Variants in CNOT2 observed in about 807,000 individuals in gnomAD.
The protein encoded by CNOT2 is CC chemokine receptor 4-negative regulator of transcription 2.
CNOT2 carries 7 observed loss-of-function variants against 72.1 expected under a neutral mutation model. The observed-to-expected ratio is 0.10, with a 90% CI of 0.06 to 0.18. The LOEUF (loss-of-function observed/expected upper bound fraction) is 0.18. Among genes scored for constraint, CNOT2 ranks in the 10% least tolerant of loss-of-function variants. The pLI is 1.00. For missense variants in CNOT2, 345 were observed against 660.3 expected, an observed-to-expected ratio of 0.52 and a Z score of 5.23; for synonymous variants, 196 against 225.6, an observed-to-expected ratio of 0.87 and a Z score of 1.17.
intron 1 of CNOT2, among the ~76,000 whole-genome samples, chr12:70,249,497 A>T (rs915785399): frequency 5.3e-5 from 8 of 151,938 alleles, no homozygotes; most frequent in African/African-American, 1.9e-4. Context: ...TCATCTTCAG[A>T]CTGGACTCAG....
chr12:70,317,367 C>G (rs1273329350), intron 3 of CNOT2, among the ~76,000 whole-genome samples: 2 of 151,954 alleles, frequency 1.3e-5, no homozygotes, highest in Non-Finnish European at 2.9e-5. Flanking sequence ...TCAACTAAAG[C>G]TTTATTATAT....
At chr12:70,326,700 T>C (rs555981250) in intron 4 of CNOT2, among the ~76,000 whole-genome samples, 1 of 151,900 alleles carries the variant, frequency 6.6e-6, no homozygotes, top group Non-Finnish European at 1.5e-5. Flanking sequence ...AATTCAGTTT[T>C]TAAAATAAAT....
At chr12:70,307,053 A>G (rs1464793325) in intron 2 of CNOT2, among the ~76,000 whole-genome samples, 1 of 152,208 alleles carries the variant, frequency 6.6e-6, no homozygotes, top group Non-Finnish European at 1.5e-5. Context: ...TAGGGCACTT[A>G]TCATAAACGG....
intron 1 of CNOT2, among the ~76,000 whole-genome samples, chr12:70,247,988 A>C (rs1258361305): frequency 2.0e-5 from 3 of 152,182 alleles, no homozygotes; most frequent in Non-Finnish European, 4.4e-5. Flanking sequence ...GTGTGTGTAA[A>C]GTTAGTATGG....
intron 4 of CNOT2, chr12:70,324,374 T>G (rs1878751904): frequency 6.6e-6 from 1 of 151,680 alleles, no homozygotes; most frequent in African/African-American, 2.4e-5. Context: ...TTAGTAATAC[T>G]GCAGTAGTCC....
In CNOT2 at chr12:70,304,202, C is replaced by G. The variant is rs11178181; in HGVS notation, c.49-6693C>G. ...CTTCTGAAGCCTTCTTGTCTCAACTCATCAAAGTCATTCTCGGTCCAGCTT... is the reference window on the plus strand; with the variant it reads ...CTTCTGAAGCCTTCTTGTCTCAACTGATCAAAGTCATTCTCGGTCCAGCTT... On this transcript the variant is annotated intron_variant, in intron 2 of 15. Transcript: ENST00000229195. Among the ~76,000 whole-genome samples the G allele has an allele frequency of 7.2e-3, 1,098 of 151,546 alleles. 3 individuals carry two copies. The highest frequency in any genetic ancestry group is 0.012 in the Non-Finnish European group (793 of 67,664).
chr12:70,308,584 T>TCTCTCTCTCTCTCTCTCTCA (rs550679130), intron 2 of CNOT2, among the ~76,000 whole-genome samples: 1 of 133,240 alleles, frequency 7.5e-6, no homozygotes, highest in African/African-American at 2.8e-5. Flanking sequence ...TCTCTCTCTC[T>TCTCTCTCTCTCTCTCTCTCA]CACACACACA....
At chr12:70,243,216 T>C (rs1201488112), upstream of CNOT2, 1 of 152,466 alleles carries the variant, frequency 6.6e-6, no homozygotes, top group Non-Finnish European at 1.5e-5. Flanking sequence ...TGTGAGTCGG[T>C]GGGAGACAAG....
chr12:70,287,901 G>T (rs182703506), intron 2 of CNOT2, among the ~76,000 whole-genome samples: 12 of 149,786 alleles, frequency 8.0e-5, no homozygotes, highest in African/African-American at 2.9e-4. Flanking sequence ...TTTCTCCCAA[G>T]GGGATTTTCA....
At chr12:70,305,873 GTTTTT>G (rs11412509) in intron 2 of CNOT2, among the ~76,000 whole-genome samples, 1 of 60,074 alleles carries the variant, frequency 1.7e-5, no homozygotes, top group African/African-American at 6.5e-5. Context: ...TCTGAAGTTT[GTTTTT>G]TTTTTTTTTT....
At chr12:70,300,114 A>T (rs955476786) in intron 2 of CNOT2, among the ~76,000 whole-genome samples, 5 of 152,018 alleles carry the variant, frequency 3.3e-5, no homozygotes, top group African/African-American at 1.2e-4. Context: ...TAGATTCTGG[A>T]TATTAGCCCT....
At chr12:70,321,837 T>C (rs1346666139) in intron 4 of CNOT2, 1 of 150,864 alleles carries the variant, frequency 6.6e-6, no homozygotes, top group African/African-American at 2.5e-5. Context: ...GTGCTTAAAC[T>C]TAGATTTGGC....
chr12:70,314,569 C>G (rs1266272141), intron 3 of CNOT2, among the ~76,000 whole-genome samples: 5 of 152,032 alleles, frequency 3.3e-5, no homozygotes, highest in Non-Finnish European at 5.9e-5. Flanking sequence ...CAGCTGTAAC[C>G]TGACATTCAG....
chr12:70,254,246 A>G (rs1414418464), intron 1 of CNOT2, among the ~76,000 whole-genome samples: 1 of 151,836 alleles, frequency 6.6e-6, no homozygotes, highest in Admixed American at 6.6e-5. Context: ...TCAAAAAAAA[A>G]AAAAAAAGAA....
At chr12:70,339,460 T>C (rs1881201383) in intron 11 of CNOT2, among the ~76,000 whole-genome samples, 1 of 152,142 alleles carries the variant, frequency 6.6e-6, no homozygotes, top group African/African-American at 2.4e-5. Context: ...TAATTGTTCA[T>C]TTACATATCC....
intron 13 of CNOT2, among the ~76,000 whole-genome samples, chr12:70,342,951 A>G (rs1302858082): frequency 6.6e-6 from 1 of 152,172 alleles, no homozygotes; most frequent in Non-Finnish European, 1.5e-5. Flanking sequence ...GTGTATGTGT[A>G]TATATACAAC....
chr12:70,260,382 C>T (rs953064850), intron 1 of CNOT2, among the ~76,000 whole-genome samples: 8 of 151,604 alleles, frequency 5.3e-5, no homozygotes, highest in Non-Finnish European at 8.8e-5. Flanking sequence ...GTGTTTTATT[C>T]TCTTGGATGC....
At chr12:70,326,085 A>G (rs1879032545) in intron 4 of CNOT2, among the ~76,000 whole-genome samples, 1 of 151,854 alleles carries the variant, frequency 6.6e-6, no homozygotes, top group African/African-American at 2.4e-5. Flanking sequence ...AAGGAATTTG[A>G]CTAACACCCT....
At chr12:70,330,239 A>G (rs745769030) in intron 5 of CNOT2, 48 bp from the exon 6 acceptor site, 5 of 851,494 alleles carry the variant, frequency 5.9e-6, no homozygotes, top group Non-Finnish European at 9.1e-6. Flanking sequence ...GAGAATTTTA[A>G]TGAGTGATTG....
Sources: allele counts gnomAD v4.1 joint callset (sites outside exome capture counted in the v4.1 genomes callset), GRCh38; gene constraint gnomAD v4.1.1; transcripts MANE v1.5; gene names NCBI Gene and HGNC (gene_info 2026-07-23, HGNC 2026-07-21).